UGT1A9: variants seen among roughly 807,000 people sequenced by gnomAD.
UGT1A9 encodes the protein UDP-glucuronosyltransferase 1A9.
UGT1A9 carries 35 observed loss-of-function variants against 45.0 expected under a neutral mutation model. The ratio of observed to expected loss-of-function variants is 0.78; its 90% CI spans 0.59 to 1.03. The LOEUF is 1.03. Among genes scored for constraint, UGT1A9 ranks in the 50% least tolerant of loss-of-function variants. The pLI is 0.00. For missense variants in UGT1A9, 687 were observed against 666.6 expected (o/e 1.03, Z -0.34); for synonymous variants, 278 against 250.6 (o/e 1.11, Z -1.03).
At chr2:233,691,686 G>T in intron 1 of UGT1A9, 1 of 955,316 alleles carries the variant, frequency 1.0e-6, no homozygotes, top group South Asian at 5.0e-5. Flanking sequence ...GAAACCTGAA[G>T]CTCAGGAGAG....
At chr2:233,719,323 C>T in intron 1 of UGT1A9, 1 of 1,613,948 alleles carries the variant, frequency 6.2e-7, no homozygotes, top group Non-Finnish European at 8.5e-7. Flanking sequence ...CTGTCGATTC[C>T]TGCTGTGTTT....
intron 1 of UGT1A9, 59 bp downstream of exon 1, chr2:233,672,848 A>T: frequency 6.5e-7 from 1 of 1,549,388 alleles, no homozygotes; most frequent in African/African-American, 1.4e-5. Context: ...TTAAAAAAGG[A>T]TTCTTTACTG....
chr2:233,757,115 C>G lies in UGT1A9; in HGVS notation c.856-9919C>G, dbSNP rs11568319. ...CAGAGGGAGGGGGCAAGCAGAAGGG[C>G]TAGAGAGGAGGAATGAGCTTGGACA... On this transcript the variant is annotated intron_variant, in intron 1 of 4. Transcript: ENST00000354728. 7.2e-4 allele frequency among the ~76,000 whole-genome samples: 109 copies of G among 150,950 alleles called. 1 individual carries two copies. In the East Asian group the frequency reaches 0.02, roughly 28 times the overall value.
rs548313260 is a variant in UGT1A9, at chr2:233,691,460, G to A, written c.855+18671G>A. The A allele has an allele frequency of 1.4e-4, 137 of 985,760 alleles. 1 individual carries two copies. Among genetic ancestry groups the A allele is most frequent in the Admixed American group, 3.1e-4 (5 of 16,288 alleles). The allele number at this position is 985,760 out of a possible 1,614,324, so 61.1% of individuals were successfully genotyped here. The stretch of plus-strand genomic sequence containing the variant: ...GCTTCTTCTCCCTTCCTGGGCCCCA[G>A]AACACCTCCGGTGCCAAACTTGTGG... On this transcript the variant is annotated intron_variant, in intron 1 of 4. Coordinates refer to ENST00000354728, the MANE Select transcript of UGT1A9 (RefSeq NM_021027.3).
In UGT1A9 at chr2:233,769,673, G is replaced by A; in HGVS notation, c.1295+1234G>A. 1.3e-6 allele frequency: 2 copies of A among 1,580,578 alleles called. No individual in the cohort carries two copies. The highest frequency in any genetic ancestry group is 1.1e-5 in the South Asian group (1 of 86,980). On this transcript the variant is annotated intron_variant, in intron 4 of 4. Transcript: ENST00000354728. The surrounding 1 kb of genome is among the most constrained non-coding windows in gnomAD (Gnocchi z 4.4). ...GACTTCCCACCTTTGAGGTGCTAAT[G>A]TGTGTGTGGTGGCACTGGATAAAAG...
intron 1 of UGT1A9, chr2:233,755,127 T>C: frequency 7.6e-7 from 1 of 1,323,488 alleles, no homozygotes; most frequent in Non-Finnish European, 1.0e-6. Context: ...CTCAGCCACC[T>C]GCTTGAATCT....
At chr2:233,692,866 A>G in intron 1 of UGT1A9, 2 of 1,480,832 alleles carry the variant, frequency 1.4e-6, no homozygotes, top group Admixed American at 2.7e-5. Context: ...CTTACATATC[A>G]AAGGGTAAAA....
At chr2:233,697,124 A>AT (rs2075377179) in intron 1 of UGT1A9, among the ~76,000 whole-genome samples, 1 of 151,786 alleles carries the variant, frequency 6.6e-6, no homozygotes, top group Non-Finnish European at 1.5e-5. Context: ...TCTCCTCTTC[A>AT]TTTTTCTGTA....
chr2:233,739,303 T>C (rs1302009262), intron 1 of UGT1A9, among the ~76,000 whole-genome samples: 34 of 152,248 alleles, frequency 2.2e-4, no homozygotes, highest in Non-Finnish European at 1.2e-4. Context: ...GGGCACTGCC[T>C]AGTGGAGTTG....
At chr2:233,737,460 G>A (rs919499964) in intron 1 of UGT1A9, among the ~76,000 whole-genome samples, 1 of 152,212 alleles carries the variant, frequency 6.6e-6, no homozygotes, top group Non-Finnish European at 1.5e-5. Flanking sequence ...GGTACAGTCT[G>A]TCATGGCTCC....
At chr2:233,755,085 C>T (rs753098995) in intron 1 of UGT1A9, 1 of 1,335,532 alleles carries the variant, frequency 7.5e-7, no homozygotes, top group Non-Finnish European at 1.0e-6. Flanking sequence ...ATAGATATCG[C>T]GTTTCTACGC....
At chr2:233,758,352 G>C (rs141624801) in intron 1 of UGT1A9, among the ~76,000 whole-genome samples, 5 of 152,316 alleles carry the variant, frequency 3.3e-5, no homozygotes, top group Middle Eastern at 3.4e-3. Context: ...GCATGATGCA[G>C]GAAAGTCATA....
chr2:233,719,025 A>G, intron 1 of UGT1A9: 1 of 1,614,266 alleles, frequency 6.2e-7, no homozygotes, highest in Admixed American at 1.7e-5. Flanking sequence ...GAATATGCAC[A>G]TCAAAGAAGA....
intron 1 of UGT1A9, among the ~76,000 whole-genome samples, chr2:233,738,366 T>C (rs1389802664): frequency 6.6e-6 from 1 of 152,176 alleles, no homozygotes; most frequent in African/African-American, 2.4e-5. Context: ...GGTACTGCTA[T>C]AAAACTACTT....
At chr2:233,692,827 A>T (rs2075116460) in intron 1 of UGT1A9, 1 of 1,441,400 alleles carries the variant, frequency 6.9e-7, no homozygotes, top group Non-Finnish European at 9.1e-7. Flanking sequence ...TAACCATGTG[A>T]TTAAAATGGT....
intron 1 of UGT1A9, chr2:233,743,649 C>A (rs754713764): frequency 5.1e-6 from 7 of 1,367,168 alleles, no homozygotes; most frequent in Admixed American, 1.9e-5. Context: ...AAGCTGAAGA[C>A]GTACTCGAAG....
chr2:233,672,110 T>C lies in UGT1A9; in HGVS notation c.176T>C (p.Met59Thr). Residue 59 changes from methionine to threonine, a missense_variant, in exon 1 of 5, where the codon ATG (methionine) becomes ACG (threonine). By Grantham distance (81) the Met-to-Thr change is moderately conservative. Coordinates refer to ENST00000354728, the MANE Select transcript of UGT1A9 (RefSeq NM_021027.3). ...AGGGGGCATGAGGTGGTTGTAGTCA[T>C]GCCAGAGGTGAGTTGGCAACTGGGA... The part of the protein sequence containing the change: ...ILRGHEVVVV[M>T]PEVSWQLGRS... 1 of 1,614,178 alleles carries C rather than the reference T, an allele frequency of 6.2e-7. No homozygotes were observed. The highest frequency in any genetic ancestry group is 8.5e-7 in the Non-Finnish European group (1 of 1,180,016).
chr2:233,747,970 C>G, intron 1 of UGT1A9: 5 of 1,613,476 alleles, frequency 3.1e-6, no homozygotes, highest in Non-Finnish European at 4.2e-6. Flanking sequence ...AGCCATGCAT[C>G]TGTGTGGCTG....
At chr2:233,744,776 C>T (rs1406230141) in intron 1 of UGT1A9, among the ~76,000 whole-genome samples, 1 of 151,874 alleles carries the variant, frequency 6.6e-6, no homozygotes, top group African/African-American at 2.4e-5. Context: ...TTGCAAAATT[C>T]TCCTGAAAAA....
Sources: allele counts gnomAD v4.1 joint callset (sites outside exome capture counted in the v4.1 genomes callset), GRCh38; gene constraint gnomAD v4.1.1; non-coding constraint Gnocchi (gnomAD v3.1); transcripts MANE v1.5; gene names NCBI Gene and HGNC (gene_info 2026-07-23, HGNC 2026-07-21).